Variants in CAMK4 observed in about 807,000 individuals in gnomAD.
CAMK4 encodes the protein calcium/calmodulin-dependent protein kinase type IV.
CAMK4 carries 22 observed loss-of-function variants against 44.9 expected under a neutral mutation model. The ratio of observed to expected loss-of-function variants is 0.49; its 90% CI spans 0.35 to 0.70. The LOEUF (loss-of-function observed/expected upper bound fraction) is 0.70. CAMK4 is among the 30% of genes least tolerant of loss of function. The probability of loss-of-function intolerance (pLI) is 0.01; values close to 1 mark genes in which losing one functional copy is unlikely to be tolerated. For missense variants in CAMK4, 498 were observed against 586.8 expected, an observed-to-expected ratio of 0.85 and a Z score of 1.56; for synonymous variants, 218 against 215.4, an observed-to-expected ratio of 1.01 and a Z score of -0.11.
At chr5:111,325,498 A>G (rs367563389) in intron 1 of CAMK4, among the ~76,000 whole-genome samples, 81 of 152,048 alleles carry the variant, frequency 5.3e-4, no homozygotes, top group Middle Eastern at 3.4e-3. Context: ...AAGCATTCCT[A>G]TTTCTCCACA....
In CAMK4 at chr5:111,493,832, G is replaced by T. The variant is rs1755952905; in HGVS notation, c.*9366G>T. 1 of 152,184 alleles carries T rather than the reference G, an allele frequency of 6.6e-6. No homozygotes were observed. The highest frequency in any genetic ancestry group is 1.5e-5 in the Non-Finnish European group (1 of 68,028). The allele number at this position is 152,184 out of a possible 1,614,324, so 9.4% of individuals were successfully genotyped here. ...TGCCTCTTTATTTCAGATAATGCCT[G>T]TGATTAGTGAATGGCGGCATTATTC... On this transcript the variant is annotated 3_prime_UTR_variant, in exon 11 of 11. Transcript: ENST00000282356. This position sits in a 1 kb window ranked among gnomAD's most constrained non-coding sequence, Gnocchi z 4.1.
At chr5:111,397,013 C>T (rs1752038361) in intron 5 of CAMK4, among the ~76,000 whole-genome samples, 1 of 152,172 alleles carries the variant, frequency 6.6e-6, no homozygotes, top group East Asian at 1.9e-4. Context: ...GTTACTTCTC[C>T]ATTTAATAAT....
chr5:111,408,194 T>C (rs1580712719), intron 5 of CAMK4, among the ~76,000 whole-genome samples: 1 of 152,294 alleles, frequency 6.6e-6, no homozygotes, highest in Non-Finnish European at 1.5e-5. Context: ...CAGTGATCCT[T>C]TCTTTTTATA....
In CAMK4 at chr5:111,488,355, T is replaced by G. The variant is rs1213623263; in HGVS notation, c.*3889T>G. On this transcript the variant is annotated 3_prime_UTR_variant, in exon 11 of 11. Transcript: ENST00000282356. ...ATCAACACTGCCATTACACATGGAT[T>G]TAACAAAAGACTTTTGAAAATTTTT... The G allele has an allele frequency of 1.3e-5, 2 of 152,236 alleles. No individual in the cohort carries two copies. The highest frequency in any genetic ancestry group is 2.4e-5 in the African/African-American group (1 of 41,466). The allele number at this position is 152,236 out of a possible 1,614,324, so 9.4% of individuals were successfully genotyped here.
At chr5:111,365,450 T>C (rs1750756172) in intron 2 of CAMK4, among the ~76,000 whole-genome samples, 1 of 152,036 alleles carries the variant, frequency 6.6e-6, no homozygotes, top group Admixed American at 6.6e-5. Context: ...GTTGAAGTTG[T>C]TAAGAATGAT....
rs956868680 is a variant in CAMK4 at position 111,309,532 on chromosome 5, A to T, written c.162-34492A>T. On this transcript the variant is annotated intron_variant, in intron 1 of 10. Transcript: ENST00000282356. ...GCTGAACCTCCTTAAGCTAAAGTCA[A>T]ATCTAGGAGTGAGAACTGACTCTGG... Among the ~76,000 whole-genome samples the T allele has an allele frequency of 2.0e-5, 3 of 152,108 alleles. No individual in the cohort carries two copies. In the East Asian group the frequency reaches 5.8e-4, roughly 29 times the overall value.
At chr5:111,443,328 C>CTA (rs1554072218) in intron 5 of CAMK4, among the ~76,000 whole-genome samples, 13 of 106,058 alleles carry the variant, frequency 1.2e-4, no homozygotes, top group African/African-American at 4.2e-4. Context: ...TATATATATA[C>CTA]TATATATACT....
rs202093306 is a variant in CAMK4 at position 111,484,458 on chromosome 5, G to T, written c.1414G>T (p.Glu472Ter). 98 of 1,516,458 alleles carry T rather than the reference G, an allele frequency of 6.5e-5. 1 individual carries two copies. The Middle Eastern group carries it at 1.4e-3, about 22-fold the overall frequency. The allele number at this position is 1,516,458 out of a possible 1,614,324, so 93.9% of individuals were successfully genotyped here. ...EVPQQDVILP[E>*]Y The stretch of plus-strand genomic sequence containing the variant: ...TCCACAGCAAGATGTGATCCTGCCA[G>T]AGTACTAAACAGCTTCCTTCAGATC... Residue 472 changes from glutamate (E) to a stop codon, truncating the protein, a stop_gained, in exon 11 of 11, where the codon GAG becomes TAG. Transcript: ENST00000282356. LOFTEE classifies it high-confidence loss of function. The surrounding 1 kb of genome is among the most constrained non-coding windows in gnomAD (Gnocchi z 5.3).
At chr5:111,379,112 G>C (rs1751321283) in intron 4 of CAMK4, among the ~76,000 whole-genome samples, 1 of 152,128 alleles carries the variant, frequency 6.6e-6, no homozygotes, top group African/African-American at 2.4e-5. Context: ...ATATTTCTCT[G>C]CTAATTATGG....
rs1450755315 is a variant in CAMK4, at chr5:111,360,139, G to A, written c.241-14711G>A. Among the ~76,000 whole-genome samples the A allele has an allele frequency of 2.6e-4, 40 of 152,002 alleles. 1 individual carries two copies. Among genetic ancestry groups the A allele is most frequent in the Admixed American group, 2.6e-3 (40 of 15,240 alleles). On this transcript the variant is annotated intron_variant, in intron 2 of 10. Transcript: ENST00000282356. ...TCTTGCTATCACTGGATACCTGGGA[G>A]GAAAACATACTAAAAATTTCCAGTC...
At chr5:111,235,340 A>G (rs531861681) in intron 1 of CAMK4, among the ~76,000 whole-genome samples, 29 of 152,306 alleles carry the variant, frequency 1.9e-4, no homozygotes, top group Non-Finnish European at 4.0e-4. Context: ...AAATAAGACT[A>G]TGCTATTAAA....
At chr5:111,299,718 G>C (rs993629269) in intron 1 of CAMK4, among the ~76,000 whole-genome samples, 1 of 152,074 alleles carries the variant, frequency 6.6e-6, no homozygotes, top group African/African-American at 2.4e-5. Flanking sequence ...ACCAGCATTC[G>C]TAGCTAGTGC....
In CAMK4 at chr5:111,487,183, T is replaced by C. The variant is rs1755661094; in HGVS notation, c.*2717T>C. 1.3e-5 allele frequency: 2 copies of C among 152,150 alleles called. No homozygotes were observed. The highest frequency in any genetic ancestry group is 1.9e-4 in the East Asian group (1 of 5,196). 9.4% of individuals were successfully genotyped at this position (152,150 alleles called of 1,614,324 possible). ...AAATACTTCATAACATCACTCCTAA[T>C]TGGCAATATAGTCACAAAGCAAAAG... is the stretch of plus-strand genomic sequence containing the variant. On this transcript the variant is annotated 3_prime_UTR_variant, in exon 11 of 11. Transcript: ENST00000282356.
intron 1 of CAMK4, among the ~76,000 whole-genome samples, chr5:111,239,054 C>G (rs1050277337): frequency 6.6e-6 from 1 of 151,774 alleles, no homozygotes; most frequent in African/African-American, 2.4e-5. Context: ...TTGTTGCCAA[C>G]TAGAAGCTCA....
intron 1 of CAMK4, among the ~76,000 whole-genome samples, chr5:111,259,103 A>G (rs1749868982): frequency 6.6e-6 from 1 of 152,176 alleles, no homozygotes. Flanking sequence ...ATGAAATAAA[A>G]GGACACATAG....
rs115004638 is a variant in CAMK4 at position 111,322,261 on chromosome 5, G to C, written c.162-21763G>C. Among the ~76,000 whole-genome samples the C allele has an allele frequency of 2.3e-3, 355 of 152,138 alleles. 1 individual carries two copies. Among genetic ancestry groups the C allele is most frequent in the African/African-American group, 8.0e-3 (333 of 41,532 alleles). ...GCTGAGAGGTAACAGAGATCTTTGA[G>C]GGTAGGTAGGCATGTACAACTGGAA... On this transcript the variant is annotated intron_variant, in intron 1 of 10. Transcript: ENST00000282356.
At chr5:111,238,547 G>T (rs1384388487) in intron 1 of CAMK4, among the ~76,000 whole-genome samples, 5 of 144,132 alleles carry the variant, frequency 3.5e-5, no homozygotes, top group Admixed American at 2.1e-4. Context: ...TGAAAAAAAT[G>T]TTTTTTTTTT....
intron 5 of CAMK4, among the ~76,000 whole-genome samples, chr5:111,418,520 C>T (rs768811800): frequency 1.3e-5 from 2 of 151,752 alleles, no homozygotes; most frequent in Non-Finnish European, 2.9e-5. Flanking sequence ...CATACATGTG[C>T]CATATTGGTG....
At chr5:111,320,264 A>G (rs1004318229) in intron 1 of CAMK4, among the ~76,000 whole-genome samples, 1 of 152,140 alleles carries the variant, frequency 6.6e-6, no homozygotes, top group African/African-American at 2.4e-5. Flanking sequence ...TTTTCTTATC[A>G]TCGTGGGGAT....
Sources: gnomAD v4.1 joint callset for allele counts (sites outside exome capture counted in the v4.1 genomes callset) on GRCh38, gnomAD v4.1.1 for gene constraint, Gnocchi (gnomAD v3.1) non-coding constraint, MANE v1.5 for transcripts, NCBI Gene and HGNC (gene_info 2026-07-23, HGNC 2026-07-21) for gene names.